The following CDYL2 variants were observed in gnomAD, a reference collection of about 807,000 sequenced individuals.
CDYL2 encodes chromodomain Y like 2.
CDYL2 carries 23 observed loss-of-function variants against 49.4 expected under a neutral mutation model. The ratio of observed to expected loss-of-function variants is 0.47; its 90% CI spans 0.34 to 0.66. The LOEUF is 0.66. Among genes scored for constraint, CDYL2 ranks in the 30% least tolerant of loss-of-function variants. The probability of loss-of-function intolerance (pLI) is 0.01; values close to 1 mark genes in which losing one functional copy is unlikely to be tolerated. For missense variants in CDYL2, 678 were observed against 656.4 expected (o/e 1.03, Z -0.36); for synonymous variants, 360 against 268.8 (o/e 1.34, Z -3.32).
intron 1 of CDYL2, among the ~76,000 whole-genome samples, chr16:80,728,402 G>A (rs1905231163): frequency 6.6e-6 from 1 of 152,102 alleles, no homozygotes; most frequent in Non-Finnish European, 1.5e-5. Context: ...AGAGAAAAAA[G>A]AATAAAAAGA....
intron 3 of CDYL2, among the ~76,000 whole-genome samples, chr16:80,628,847 G>A (rs1313118423): frequency 5.3e-5 from 8 of 152,136 alleles, no homozygotes; most frequent in African/African-American, 9.7e-5. Context: ...TGGAGGAGGG[G>A]GGGGATATCA....
At chr16:80,771,876 G>A (rs1383963057) in intron 1 of CDYL2, among the ~76,000 whole-genome samples, 1 of 152,140 alleles carries the variant, frequency 6.6e-6, no homozygotes, top group African/African-American at 2.4e-5. Flanking sequence ...TATGTAAACT[G>A]AAATAAGAAG....
intron 2 of CDYL2, chr16:80,670,871 T>C (rs1291809283): frequency 2.2e-6 from 1 of 455,406 alleles, no homozygotes; most frequent in East Asian, 7.0e-5. Flanking sequence ...ATACACAGCA[T>C]AGTCAGGTTG....
intron 1 of CDYL2, among the ~76,000 whole-genome samples, chr16:80,772,903 G>C (rs1046695809): frequency 4.0e-5 from 6 of 151,302 alleles, no homozygotes; most frequent in Non-Finnish European, 8.8e-5. Flanking sequence ...TAGGAACATA[G>C]AATAGGTGGG....
intron 2 of CDYL2, among the ~76,000 whole-genome samples, chr16:80,645,059 C>T (rs1908274668): frequency 6.6e-6 from 1 of 152,090 alleles, no homozygotes; most frequent in East Asian, 1.9e-4. Flanking sequence ...TAGGCAATAC[C>T]ATTCAGGACA....
intron 1 of CDYL2, among the ~76,000 whole-genome samples, chr16:80,769,987 G>C (rs980877102): frequency 6.6e-6 from 1 of 152,118 alleles, no homozygotes; most frequent in Admixed American, 6.5e-5. Context: ...ATATTAGAAA[G>C]TGTCAGGTTT....
chr16:80,700,561 G>C (rs921403497), intron 1 of CDYL2, among the ~76,000 whole-genome samples: 2 of 152,220 alleles, frequency 1.3e-5, no homozygotes, highest in African/African-American at 4.8e-5. Flanking sequence ...ATATTAGAAA[G>C]AGGGTTAAGC....
At chr16:80,649,641 A>G (rs993698078) in intron 2 of CDYL2, among the ~76,000 whole-genome samples, 8 of 152,234 alleles carry the variant, frequency 5.3e-5, no homozygotes, top group Non-Finnish European at 1.2e-4. Context: ...GAACTGTGAA[A>G]GACCCAGAAT....
intron 1 of CDYL2, among the ~76,000 whole-genome samples, chr16:80,792,089 TG>T (rs1252391396): frequency 2.0e-5 from 3 of 152,116 alleles, no homozygotes; most frequent in Non-Finnish European, 4.4e-5. Context: ...AACAGGTGGA[TG>T]GGGGTGCTAC....
chr16:80,745,779 C>G (rs1440155158), intron 1 of CDYL2, among the ~76,000 whole-genome samples: 1 of 152,158 alleles, frequency 6.6e-6, no homozygotes, highest in Admixed American at 6.5e-5. Flanking sequence ...AATTTGGAGT[C>G]AATTCAATCC....
chr16:80,784,199 T>C (rs1363031043), intron 1 of CDYL2, among the ~76,000 whole-genome samples: 1 of 152,196 alleles, frequency 6.6e-6, no homozygotes, highest in Non-Finnish European at 1.5e-5. Flanking sequence ...TTATTCCTTC[T>C]TTATGGTTTC....
At chr16:80,749,935 G>A (rs942003152) in intron 1 of CDYL2, among the ~76,000 whole-genome samples, 5 of 152,206 alleles carry the variant, frequency 3.3e-5, no homozygotes, top group Non-Finnish European at 7.4e-5. Context: ...GTCCTTTGTA[G>A]GGACATGGAT....
intron 5 of CDYL2, among the ~76,000 whole-genome samples, chr16:80,611,505 C>A (rs894568563): frequency 6.6e-6 from 1 of 152,146 alleles, no homozygotes; most frequent in Non-Finnish European, 1.5e-5. Context: ...GTGCCTCCAA[C>A]GCCTACTCGG....
intron 1 of CDYL2, among the ~76,000 whole-genome samples, chr16:80,762,142 T>C (rs994482698): frequency 6.6e-6 from 1 of 152,022 alleles, no homozygotes; most frequent in African/African-American, 2.4e-5. Flanking sequence ...GCCAAGATCA[T>C]GCCACTGCAC....
intron 2 of CDYL2, among the ~76,000 whole-genome samples, 154 bp downstream of exon 2, chr16:80,684,384 A>T (rs998579239): frequency 3.9e-5 from 6 of 152,198 alleles, no homozygotes; most frequent in African/African-American, 1.4e-4. Context: ...GACCGAGTCC[A>T]CAAAGCTCTA....
At chr16:80,803,685 G>A (rs988782660) in intron 1 of CDYL2, among the ~76,000 whole-genome samples, 1 of 93,782 alleles carries the variant, frequency 1.1e-5, no homozygotes, top group Non-Finnish European at 2.1e-5. Context: ...CCGCGCCCCC[G>A]GCCCAGCCGG....
intron 4 of CDYL2, among the ~76,000 whole-genome samples, chr16:80,613,771 T>C (rs926733118): frequency 6.6e-6 from 1 of 152,194 alleles, no homozygotes; most frequent in Non-Finnish European, 1.5e-5. Flanking sequence ...AGACACAAGA[T>C]GTCTAGTAAA....
chr16:80,684,206 G>A (rs569028328), intron 2 of CDYL2, among the ~76,000 whole-genome samples: 1 of 152,318 alleles, frequency 6.6e-6, no homozygotes, highest in Non-Finnish European at 1.5e-5. Context: ...GGGTCCTGGG[G>A]GTGAGGACTT....
chr16:80,705,383 T>C (rs750923055), intron 1 of CDYL2, among the ~76,000 whole-genome samples: 43 of 152,346 alleles, frequency 2.8e-4, no homozygotes, highest in Middle Eastern at 3.4e-3. Context: ...GTCATCCAGA[T>C]GCAAACTTAC....
Sources: gnomAD v4.1 joint callset for allele counts (sites outside exome capture counted in the v4.1 genomes callset) on GRCh38, gnomAD v4.1.1 for gene constraint, MANE v1.5 for transcripts, NCBI Gene and HGNC (gene_info 2026-07-23, HGNC 2026-07-21) for gene names.